KLHL13: variants seen among roughly 807,000 people sequenced by gnomAD.
The protein encoded by KLHL13 is kelch-like protein 13.
Under a neutral mutation model 37.1 loss-of-function variants are expected in KLHL13, and 10 were observed. The observed-to-expected ratio is 0.27, with a 90% CI of 0.17 to 0.46. KLHL13 has a LOEUF of 0.46. Ranked by LOEUF, KLHL13 falls within the 20% of genes least tolerant of loss-of-function variation. KLHL13 has a pLI of 1.00. For missense variants in KLHL13, 360 were observed against 509.3 expected, an observed-to-expected ratio of 0.71 and a Z score of 2.82; for synonymous variants, 163 against 181.2, an observed-to-expected ratio of 0.90 and a Z score of 0.81.
Position 117,926,739 on chromosome X carries a change from C to CA in KLHL13, c.241-6370dup, listed in dbSNP as rs1197202566. Among the ~76,000 whole-genome samples the CA allele has an allele frequency of 2.3e-3, 246 of 109,100 alleles. 2 individuals carry two copies. The highest frequency in any genetic ancestry group is 8.0e-3 in the African/African-American group (241 of 29,953). 94.7% of individuals were successfully genotyped at this position (109,100 alleles called of 115,157 possible). On this transcript the variant is annotated intron_variant, in intron 2 of 6. Transcript: ENST00000262820. ...GAAAGAAAATCAGAATGCAAACTCT[C>CA]ACCAAGCTGATGGTGAGTCCCCACC...
chrX:118,025,106 G>A (rs2054260695), intron 1 of KLHL13, among the ~76,000 whole-genome samples: 1 of 111,559 alleles, frequency 9.0e-6, no homozygotes, highest in South Asian at 3.7e-4. Flanking sequence ...ATCTACTCCT[G>A]TTTTCACCCA....
chrX:118,020,845 CA>C (rs1357127030), intron 1 of KLHL13, among the ~76,000 whole-genome samples: 2 of 109,070 alleles, frequency 1.8e-5, no homozygotes, highest in African/African-American at 6.7e-5. Context: ...TTTGTAGGGA[CA>C]TGGATGAAGC....
chrX:118,105,871 A>C (rs1013209682), intron 1 of KLHL13, among the ~76,000 whole-genome samples: 1 of 106,661 alleles, frequency 9.4e-6, no homozygotes, highest in Non-Finnish European at 1.9e-5. Context: ...CAGATATTAA[A>C]GGATCCTTTG....
intron 1 of KLHL13, among the ~76,000 whole-genome samples, chrX:117,963,031 A>G (rs1041698559): frequency 1.8e-5 from 2 of 112,363 alleles, no homozygotes; most frequent in African/African-American, 6.5e-5. Context: ...AATATGTCTC[A>G]TGAAGTTTAG....
At chrX:117,962,552 A>G (rs377709443) in intron 1 of KLHL13, among the ~76,000 whole-genome samples, 2 of 111,473 alleles carry the variant, frequency 1.8e-5, no homozygotes, top group Non-Finnish European at 3.8e-5. Flanking sequence ...GTTAATCCCG[A>G]TATCATATGA....
At chrX:118,017,810 T>G (rs180694886) in intron 1 of KLHL13, among the ~76,000 whole-genome samples, 1 of 111,741 alleles carries the variant, frequency 8.9e-6, no homozygotes. Flanking sequence ...GATTGTACAG[T>G]GTTTGGCACT....
chrX:118,096,089 T>C (rs1385740728), intron 1 of KLHL13, among the ~76,000 whole-genome samples: 3 of 111,359 alleles, frequency 2.7e-5, no homozygotes, highest in East Asian at 5.6e-4. Flanking sequence ...AGAGCAGAAC[T>C]GAAGGAAATA....
chrX:117,972,728 T>C, intron 1 of KLHL13: 1 of 1,195,584 alleles, frequency 8.4e-7, no homozygotes, highest in South Asian at 1.8e-5. Context: ...TTCTCTCACT[T>C]ACATGTATGC....
intron 1 of KLHL13, among the ~76,000 whole-genome samples, chrX:118,075,825 T>C (rs1194836039): frequency 1.8e-5 from 2 of 112,260 alleles, no homozygotes; most frequent in Non-Finnish European, 3.8e-5. Flanking sequence ...GGAGATATTC[T>C]AACTGAAGGT....
chrX:118,019,366 G>C (rs1469461332), intron 1 of KLHL13, among the ~76,000 whole-genome samples: 3 of 110,284 alleles, frequency 2.7e-5, no homozygotes, highest in African/African-American at 1.0e-4. Flanking sequence ...AAATTTGTTT[G>C]AGCTCATTGT....
In KLHL13 at chrX:118,109,496, C is replaced by T. The variant is rs920289081; in HGVS notation, c.-56+7012G>A. ...TGCCTCAGATTTTCTATGAATATTGCGTTCTAAGGCAGAATGTATCTGAAT... is the reference window on the plus strand; with the variant it reads ...TGCCTCAGATTTTCTATGAATATTGTGTTCTAAGGCAGAATGTATCTGAAT... On this transcript the variant is annotated intron_variant, in intron 1 of 6. Coordinates refer to the KLHL13 transcript ENST00000371882. Among the ~76,000 whole-genome samples the T allele has an allele frequency of 4.5e-5, 5 of 112,213 alleles. 1 individual carries two copies.
At chrX:117,918,176 C>G (rs1456130285) in intron 4 of KLHL13, among the ~76,000 whole-genome samples, 1 of 111,789 alleles carries the variant, frequency 8.9e-6, no homozygotes, top group Non-Finnish European at 1.9e-5. Flanking sequence ...TAGCACCATG[C>G]TGCCATAAAA....
chrX:117,900,224 T>C (rs1169038222), intron 6 of KLHL13, among the ~76,000 whole-genome samples: 1 of 112,281 alleles, frequency 8.9e-6, no homozygotes, highest in East Asian at 2.8e-4. Context: ...TAATCTTTAG[T>C]CAAATCATTC....
chrX:117,901,591 G>A (rs951679006), intron 6 of KLHL13, among the ~76,000 whole-genome samples: 6 of 106,968 alleles, frequency 5.6e-5, no homozygotes, highest in African/African-American at 1.4e-4. Context: ...TGCAACCTCC[G>A]TCTTCTGGGT....
At chrX:117,929,961 C>CA (rs1162179992) in intron 2 of KLHL13, among the ~76,000 whole-genome samples, 7 of 105,303 alleles carry the variant, frequency 6.6e-5, no homozygotes, top group Admixed American at 1.0e-4. Flanking sequence ...GACCTTGTCT[C>CA]AAAAAAAAAT....
intron 1 of KLHL13, among the ~76,000 whole-genome samples, chrX:118,102,726 A>T (rs1466544043): frequency 8.9e-6 from 1 of 112,381 alleles, no homozygotes; most frequent in African/African-American, 3.2e-5. Context: ...CAGATAAAGC[A>T]GATCCCCATA....
At chrX:117,993,734 T>A (rs1018248394) in intron 1 of KLHL13, among the ~76,000 whole-genome samples, 1 of 109,224 alleles carries the variant, frequency 9.2e-6, no homozygotes, top group Non-Finnish European at 1.9e-5. Context: ...ACATTATCTG[T>A]TGCTTTTTTT....
intron 1 of KLHL13, chrX:117,983,515 G>A (rs370118598): frequency 1.7e-5 from 19 of 1,146,713 alleles, no homozygotes; most frequent in East Asian, 9.8e-5. Context: ...CCTTGAAATC[G>A]GCTTGTTTTA....
intron 1 of KLHL13, among the ~76,000 whole-genome samples, chrX:118,108,669 A>G (rs1382799015): frequency 4.4e-5 from 5 of 112,735 alleles, no homozygotes; most frequent in African/African-American, 1.6e-4. Flanking sequence ...AGCAGCTTTA[A>G]AGTTAGCAAA....
Sources: gnomAD v4.1 joint callset for allele counts (sites outside exome capture counted in the v4.1 genomes callset) on GRCh38, gnomAD v4.1.1 for gene constraint, MANE v1.5 for transcripts, NCBI Gene and HGNC (gene_info 2026-07-23, HGNC 2026-07-21) for gene names.